Variants in TGFA observed in about 807,000 individuals in gnomAD.
TGFA encodes the protein transforming growth factor alpha.
A neutral mutation model predicts 21.7 loss-of-function variants in TGFA; 12 were observed. The ratio of observed to expected loss-of-function variants is 0.55; its 90% CI spans 0.35 to 0.90. The LOEUF is 0.90. TGFA is among the 40% of genes least tolerant of loss of function. The pLI is 0.01. For synonymous variants in TGFA, 79 were observed against 88.1 expected (o/e 0.90, Z 0.58); for missense variants, 178 against 210.8 (o/e 0.84, Z 0.96).
At chr2:70,457,991 C>T (rs1400474465) in intron 3 of TGFA, among the ~76,000 whole-genome samples, 1 of 152,196 alleles carries the variant, frequency 6.6e-6, no homozygotes, top group Non-Finnish European at 1.5e-5. Flanking sequence ...CTCTAACCTT[C>T]GCTTTTAGAT....
chr2:70,457,820 G>A (rs1057199737), intron 3 of TGFA, among the ~76,000 whole-genome samples: 2 of 152,148 alleles, frequency 1.3e-5, no homozygotes, highest in Non-Finnish European at 2.9e-5. Context: ...GGGATTATAG[G>A]CGTGAATCAC....
chr2:70,535,773 G>A (rs378322), intron 1 of TGFA, among the ~76,000 whole-genome samples: 15,939 of 152,226 alleles, frequency 0.1, 1,152 homozygotes, highest in Middle Eastern at 0.21. Context: ...AAATAAGGTC[G>A]TATTACATAG....
Position 70,453,395 on chromosome 2 carries a change from G to T in TGFA, c.366-68C>A, listed in dbSNP as rs1670123297. ...GGAGGGCCAGGGTGGTACAGCATCT[G>T]CCCTAGGGGCCTGCTGGGCAGCTCC... On this transcript the variant is annotated intron_variant, in intron 4 of 5. Coordinates refer to ENST00000295400, the MANE Select transcript of TGFA (RefSeq NM_003236.4). The T allele has an allele frequency of 5.7e-6, 8 of 1,403,582 alleles. No individual in the cohort carries two copies. In the South Asian group the frequency reaches 9.6e-5, roughly 17 times the overall value. 86.9% of individuals were successfully genotyped at this position (1,403,582 alleles called of 1,614,324 possible). A position where few individuals can be genotyped will look rare whatever the true frequency, so the allele number is the denominator to read the frequency against.
At position 70,540,863 on chromosome 2, in the gene TGFA, CA is replaced by C. The variant is rs1282556931; in HGVS notation, c.40+12864del. On this transcript the variant is annotated intron_variant, in intron 1 of 5. Transcript: ENST00000295400. ...CCTAAGGATACAAACAGGTAACTCA[CA>C]AGAAAATAAATTTAAATACTCAACC... is the stretch of plus-strand genomic sequence containing the variant. Among the ~76,000 whole-genome samples the C allele has an allele frequency of 5.3e-5, 8 of 152,194 alleles. No homozygotes were observed. In the East Asian group the frequency reaches 1.5e-3, roughly 29 times the overall value.
At chr2:70,538,079 C>T (rs1421114813) in intron 1 of TGFA, among the ~76,000 whole-genome samples, 1 of 152,140 alleles carries the variant, frequency 6.6e-6, no homozygotes, top group Non-Finnish European at 1.5e-5. Context: ...TCTGCCTGTC[C>T]TCTACAAATG....
chr2:70,504,053 A>G (rs782148865), intron 2 of TGFA, among the ~76,000 whole-genome samples: 1 of 152,190 alleles, frequency 6.6e-6, no homozygotes, highest in Non-Finnish European at 1.5e-5. Flanking sequence ...ATTTACAATA[A>G]TAAGAACCTA....
chr2:70,504,626 A>G (rs1185525237), intron 2 of TGFA, among the ~76,000 whole-genome samples: 2 of 151,698 alleles, frequency 1.3e-5, no homozygotes, highest in Non-Finnish European at 2.9e-5. Flanking sequence ...ACATTCACAC[A>G]TATAGTTATA....
chr2:70,550,482 A>T (rs960987019), intron 1 of TGFA, among the ~76,000 whole-genome samples: 7 of 151,884 alleles, frequency 4.6e-5, no homozygotes, highest in South Asian at 2.1e-4. Context: ...AATTAAAATT[A>T]AAAAAGATTA....
At chr2:70,543,889 A>C (rs1243721144) in intron 1 of TGFA, among the ~76,000 whole-genome samples, 1 of 152,234 alleles carries the variant, frequency 6.6e-6, no homozygotes, top group African/African-American at 2.4e-5. Flanking sequence ...CAAAGCCCCA[A>C]ATACTTCATA....
At chr2:70,490,983 A>G (rs1553497495) in intron 2 of TGFA, among the ~76,000 whole-genome samples, 1 of 152,226 alleles carries the variant, frequency 6.6e-6, no homozygotes, top group Non-Finnish European at 1.5e-5. Flanking sequence ...CAAGCAGATC[A>G]GGTTTTATAT....
intron 4 of TGFA, among the ~76,000 whole-genome samples, chr2:70,454,993 T>C (rs1428213328): frequency 6.6e-6 from 1 of 152,206 alleles, no homozygotes; most frequent in African/African-American, 2.4e-5. Flanking sequence ...CTACTGGCCA[T>C]GAGAAGCAAG....
intron 2 of TGFA, among the ~76,000 whole-genome samples, chr2:70,489,077 C>A (rs1553497130): frequency 6.6e-6 from 1 of 152,164 alleles, no homozygotes; most frequent in African/African-American, 2.4e-5. Flanking sequence ...GCAGCTCTGT[C>A]ACACTCACTC....
At chr2:70,533,979 GAA>G (rs1298121338) in intron 1 of TGFA, among the ~76,000 whole-genome samples, 3 of 145,512 alleles carry the variant, frequency 2.1e-5, no homozygotes, top group African/African-American at 7.5e-5. Context: ...TTATCTAAAG[GAA>G]AAAAAAAAAT....
At chr2:70,544,560 C>T (rs531026028) in intron 1 of TGFA, among the ~76,000 whole-genome samples, 52 of 152,236 alleles carry the variant, frequency 3.4e-4, no homozygotes, top group South Asian at 4.1e-4. Context: ...CACAGGTCCA[C>T]GAGAACTGGA....
At chr2:70,490,659 T>C (rs1241255361) in intron 2 of TGFA, among the ~76,000 whole-genome samples, 1 of 152,194 alleles carries the variant, frequency 6.6e-6, no homozygotes, top group Non-Finnish European at 1.5e-5. Flanking sequence ...CAGCATCATG[T>C]TGAGTAAATA....
intron 2 of TGFA, among the ~76,000 whole-genome samples, chr2:70,502,427 C>A (rs185206082): frequency 3.7e-4 from 57 of 152,286 alleles, no homozygotes; most frequent in African/African-American, 1.3e-3. Flanking sequence ...GCAACCTTCG[C>A]TTCCCGGGTT....
intron 2 of TGFA, among the ~76,000 whole-genome samples, chr2:70,503,923 T>C (rs1177255655): frequency 6.6e-6 from 1 of 152,218 alleles, no homozygotes; most frequent in Non-Finnish European, 1.5e-5. Context: ...TTTGTGACTT[T>C]GGAGTCTGAC....
chr2:70,520,646 G>A (rs1028519949), intron 1 of TGFA, among the ~76,000 whole-genome samples: 6 of 152,030 alleles, frequency 3.9e-5, no homozygotes, highest in East Asian at 1.9e-4. Context: ...TTCAAGTCAC[G>A]TGGGACAGCA....
intron 1 of TGFA, among the ~76,000 whole-genome samples, chr2:70,522,873 A>C (rs1553502515): frequency 6.6e-6 from 1 of 152,220 alleles, no homozygotes; most frequent in African/African-American, 2.4e-5. Flanking sequence ...TTAGCGGGAC[A>C]TTGTCTAGGT....
Sources: gnomAD v4.1 joint callset for allele counts (sites outside exome capture counted in the v4.1 genomes callset) on GRCh38, gnomAD v4.1.1 for gene constraint, MANE v1.5 for transcripts, NCBI Gene and HGNC (gene_info 2026-07-23, HGNC 2026-07-21) for gene names.